PSME4: variants seen among roughly 807,000 people sequenced by gnomAD.
PSME4 encodes proteasome activator subunit 4.
Under a neutral mutation model 253.9 loss-of-function variants are expected in PSME4, and 89 were observed. The ratio of observed to expected loss-of-function variants is 0.35; its 90% CI spans 0.30 to 0.42. The LOEUF is 0.42. PSME4 is among the 10% of genes least tolerant of loss of function. The probability of loss-of-function intolerance (pLI) is 1.00; values close to 1 mark genes in which losing one functional copy is unlikely to be tolerated. For synonymous variants in PSME4, 851 were observed against 759.2 expected (o/e 1.12, Z -1.99); for missense variants, 2,014 against 2,195.2 (o/e 0.92, Z 1.65).
chr2:53,909,770 T>C (rs1224021401), intron 21 of PSME4, among the ~76,000 whole-genome samples: 1 of 152,188 alleles, frequency 6.6e-6, no homozygotes, highest in Non-Finnish European at 1.5e-5. Flanking sequence ...GAGACCAGCC[T>C]GGCCACCACG....
chr2:53,873,696 C>T (rs1360228639), intron 43 of PSME4, among the ~76,000 whole-genome samples: 2 of 152,174 alleles, frequency 1.3e-5, no homozygotes, highest in Admixed American at 1.3e-4. Context: ...TGGATAGCAG[C>T]GCCTATGTGT....
At chr2:53,936,902 T>C (rs1291852137) in intron 5 of PSME4, 75 bp from the exon 6 acceptor site, 2 of 955,316 alleles carry the variant, frequency 2.1e-6, no homozygotes, top group African/African-American at 1.7e-5. Flanking sequence ...TTTGTCTTTT[T>C]TATAATCTAT....
chr2:53,959,813 C>A (rs1311908226), intron 1 of PSME4, among the ~76,000 whole-genome samples: 2 of 152,166 alleles, frequency 1.3e-5, no homozygotes, highest in Non-Finnish European at 2.9e-5. Flanking sequence ...AAAAGCATTT[C>A]TAGAGCAAAC....
intron 44 of PSME4, among the ~76,000 whole-genome samples, chr2:53,868,755 T>C (rs1008265095): frequency 6.6e-6 from 1 of 151,382 alleles, no homozygotes; most frequent in Admixed American, 6.6e-5. Flanking sequence ...CTAAATTCAA[T>C]AAAATTCCTA....
chr2:53,915,631 G>GT (rs908093153), intron 20 of PSME4, among the ~76,000 whole-genome samples: 3 of 151,458 alleles, frequency 2.0e-5, no homozygotes, highest in Non-Finnish European at 2.9e-5. Flanking sequence ...TGTTTGTTTT[G>GT]TTTTTTTATC....
intron 36 of PSME4, 97 bp downstream of exon 36, chr2:53,892,709 CAT>C: frequency 8.9e-7 from 1 of 1,124,752 alleles, no homozygotes; most frequent in Non-Finnish European, 1.3e-6. Context: ...CTGAAGATTT[CAT>C]ATTTTAATTA....
chr2:53,928,087 T>C (rs1668652130), intron 11 of PSME4, 30 bp downstream of exon 11: 5 of 1,550,784 alleles, frequency 3.2e-6, no homozygotes, highest in East Asian at 2.3e-5. Flanking sequence ...CCTACCTAAA[T>C]ACGGAGTGTA....
intron 14 of PSME4, among the ~76,000 whole-genome samples, chr2:53,924,007 C>T (rs567971095): frequency 6.7e-6 from 1 of 149,820 alleles, no homozygotes; most frequent in South Asian, 2.1e-4. Context: ...CTGGTGGAAG[C>T]AAATGCAATT....
At chr2:53,967,649 C>CAAAAA (rs71408747) in intron 1 of PSME4, among the ~76,000 whole-genome samples, 1,485 of 21,538 alleles carry the variant, frequency 0.069, 292 homozygotes, top group Non-Finnish European at 0.091. Flanking sequence ...GAGATTGTCT[C>CAAAAA]AAAAAAAAAA....
At chr2:53,966,209 G>A (rs1217462617) in intron 1 of PSME4, among the ~76,000 whole-genome samples, 2 of 152,220 alleles carry the variant, frequency 1.3e-5, no homozygotes, top group African/African-American at 4.8e-5. Flanking sequence ...GCTTGAACCT[G>A]GGAGGCAGAG....
Position 53,906,655 on chromosome 2 carries a change from C to G in PSME4, c.2886G>C (p.Lys962Asn). The G allele has an allele frequency of 6.2e-7, 1 of 1,604,500 alleles. No homozygotes were observed. Among genetic ancestry groups the G allele is most frequent in the Non-Finnish European group, 8.5e-7 (1 of 1,176,248 alleles). Residue 962 changes from lysine to asparagine, a missense_variant, in exon 26 of 47, where the codon AAG becomes AAC. By Grantham distance (94) the Lys-to-Asn change is moderately conservative (BLOSUM62 0). Coordinates refer to ENST00000404125, the MANE Select transcript of PSME4 (RefSeq NM_014614.3). ...TLTVEGCEYK[K>N]IHQDMIRDLL... ...GATCTCTGATCATATCTTGATGTAT[C>G]TTTTTGTATTCACAACCCTCAACAG...
Position 53,932,741 on chromosome 2 carries a change from A to C in PSME4, c.977T>G (p.Val326Gly). ...TAMMGGPSKL[V>G]QKHLAGLFNS... ...AAACAAACCAGCTAAGTGTTTTTGC[A>C]CTAGCTTACTTGGTCCACCCTGTCC... Residue 326 changes from valine to glycine, a missense_variant, in exon 9 of 47, where the codon GTG becomes GGG. Physicochemically the swap from Val to Gly is moderately radical, Grantham distance 109. Around this residue, in one of 4 missense-constraint regions of PSME4, gnomAD observed 615 missense variants for 594.4 expected, o/e 1.03. Transcript: ENST00000404125. 2 of 1,613,622 alleles carry C rather than the reference A, an allele frequency of 1.2e-6. No individual in the cohort carries two copies. Among genetic ancestry groups the C allele is most frequent in the Non-Finnish European group, 1.7e-6 (2 of 1,179,516 alleles).
rs1438661366 is a variant in PSME4, at chr2:53,948,428, A to T, written c.493T>A (p.Phe165Ile). 6.2e-7 allele frequency: 1 copy of T among 1,603,232 alleles called. No homozygotes were observed. Among genetic ancestry groups the T allele is most frequent in the Admixed American group, 1.7e-5 (1 of 59,920 alleles). Residue 165 changes from phenylalanine to isoleucine, a missense_variant, in exon 3 of 47, where the codon TTT becomes ATT. Physicochemically the swap from Phe to Ile is conservative, Grantham distance 21. Transcript: ENST00000404125. ...SKTEHLGLNWFPNSVENILKT... is the reference protein window; with the variant it reads ...SKTEHLGLNWIPNSVENILKT... ...TTAAATGGAAATACTTACTTAGGAA[A>T]CCAATTTAATCCTAGGTGCTCTGTC...
chr2:53,889,617 G>C (rs962178837), intron 37 of PSME4, among the ~76,000 whole-genome samples: 1 of 152,162 alleles, frequency 6.6e-6, no homozygotes, highest in Non-Finnish European at 1.5e-5. Context: ...TGTGACTATC[G>C]CAGTTCAAGT....
At chr2:53,959,519 A>G (rs1026257788) in intron 1 of PSME4, among the ~76,000 whole-genome samples, 2 of 152,154 alleles carry the variant, frequency 1.3e-5, no homozygotes, top group African/African-American at 4.8e-5. Flanking sequence ...TGCCCACCCA[A>G]AATAAACACT....
chr2:53,961,724 T>C (rs1431493881), intron 1 of PSME4, among the ~76,000 whole-genome samples: 1 of 152,182 alleles, frequency 6.6e-6, no homozygotes, highest in Non-Finnish European at 1.5e-5. Flanking sequence ...TCCCCATTGC[T>C]GTAAAGAAAC....
At chr2:53,887,149 A>G in intron 40 of PSME4, 110 bp downstream of exon 40, 1 of 998,706 alleles carries the variant, frequency 1.0e-6, no homozygotes, top group Non-Finnish European at 1.5e-6. Flanking sequence ...TAAAACAGTA[A>G]ATTTTTCATT....
intron 38 of PSME4, 35 bp downstream of exon 38, chr2:53,888,686 C>T (rs781263073): frequency 2.1e-5 from 29 of 1,401,606 alleles, no homozygotes; most frequent in South Asian, 4.7e-5. Flanking sequence ...CAAAACCTTT[C>T]GTGTTAACCT....
At chr2:53,938,665 G>A (rs1573334076) in intron 4 of PSME4, among the ~76,000 whole-genome samples, 1 of 152,020 alleles carries the variant, frequency 6.6e-6, no homozygotes. Flanking sequence ...TTCCAAATAA[G>A]TTGGGAAACT....
Sources: gnomAD v4.1 joint callset for allele counts (sites outside exome capture counted in the v4.1 genomes callset) on GRCh38, gnomAD v4.1.1 for gene constraint, gnomAD v4.1.1 regional missense constraint, MANE v1.5 for transcripts, NCBI Gene and HGNC (gene_info 2026-07-23, HGNC 2026-07-21) for gene names.